Variants in EPHA6 observed in about 807,000 individuals in gnomAD.
EPHA6 encodes EPH receptor A6.
EPHA6 carries 50 observed loss-of-function variants against 112.0 expected under a neutral mutation model. That is an observed-to-expected ratio of 0.45 (90% CI 0.36 to 0.56). EPHA6 has a LOEUF of 0.56. Ranked by LOEUF, EPHA6 falls within the 20% of genes least tolerant of loss-of-function variation. The probability of loss-of-function intolerance (pLI) is 0.00; values close to 1 mark genes in which losing one functional copy is unlikely to be tolerated. For missense variants in EPHA6, 1,280 were observed against 1,417.4 expected, an observed-to-expected ratio of 0.90 and a Z score of 1.56; for synonymous variants, 529 against 490.7, an observed-to-expected ratio of 1.08 and a Z score of -1.03.
In EPHA6 at chr3:96,864,895, G is replaced by A. The variant is rs542363313; in HGVS notation, c.386-1930G>A. 8.3e-4 allele frequency among the ~76,000 whole-genome samples: 127 copies of A among 152,158 alleles called. 1 individual carries two copies. The highest frequency in any genetic ancestry group is 2.9e-3 in the African/African-American group (121 of 41,554). ...TTTTATATTAATGAATTAAGATATTGTAAGTATATTAAAAGAGTATTTTGG... is the reference window on the plus strand; with the variant it reads ...TTTTATATTAATGAATTAAGATATTATAAGTATATTAAAAGAGTATTTTGG... On this transcript the variant is annotated intron_variant, in intron 1 of 17. Transcript: ENST00000389672.
intron 5 of EPHA6, among the ~76,000 whole-genome samples, chr3:97,398,234 G>T (rs2086798415): frequency 6.6e-6 from 1 of 151,310 alleles, no homozygotes; most frequent in East Asian, 1.9e-4. Flanking sequence ...TTTAGACATT[G>T]TACATTAAAC....
At chr3:97,205,010 G>C (rs1005215242) in intron 3 of EPHA6, among the ~76,000 whole-genome samples, 1 of 152,056 alleles carries the variant, frequency 6.6e-6, no homozygotes, top group East Asian at 1.9e-4. Flanking sequence ...TTATAGGTTT[G>C]TAACTCTTGC....
At chr3:97,358,555 TA>T (rs1220676053) in intron 5 of EPHA6, among the ~76,000 whole-genome samples, 1 of 152,178 alleles carries the variant, frequency 6.6e-6, no homozygotes, top group Non-Finnish European at 1.5e-5. Context: ...TATTAGTACT[TA>T]AATCAAGTAG....
At chr3:97,323,338 G>T (rs1054567969) in intron 5 of EPHA6, among the ~76,000 whole-genome samples, 2 of 151,728 alleles carry the variant, frequency 1.3e-5, no homozygotes, top group African/African-American at 4.8e-5. Context: ...AAAGGTATAT[G>T]CATATAAGAG....
chr3:97,493,743 T>G (rs1015899357), intron 10 of EPHA6, among the ~76,000 whole-genome samples: 27 of 152,148 alleles, frequency 1.8e-4, no homozygotes, highest in African/African-American at 6.5e-4. Flanking sequence ...ATAAAAATTG[T>G]AAATTCATAA....
chr3:96,838,276 C>A (rs529868594), intron 1 of EPHA6, among the ~76,000 whole-genome samples: 18 of 152,266 alleles, frequency 1.2e-4, no homozygotes, highest in African/African-American at 4.3e-4. Flanking sequence ...ATATGTGCAA[C>A]ATTTTCTTTA....
At chr3:96,901,430 T>G (rs2038605486) in intron 2 of EPHA6, among the ~76,000 whole-genome samples, 1 of 152,124 alleles carries the variant, frequency 6.6e-6, no homozygotes, top group Non-Finnish European at 1.5e-5. Context: ...TGTGACTTAT[T>G]GGATTCAGGA....
chr3:96,925,529 A>T (rs1270114996), intron 2 of EPHA6, among the ~76,000 whole-genome samples: 1 of 149,922 alleles, frequency 6.7e-6, no homozygotes. Flanking sequence ...TCTTCTCTTT[A>T]GTCTTCTTTA....
At chr3:96,945,397 C>G (rs1387725150) in intron 2 of EPHA6, among the ~76,000 whole-genome samples, 2 of 152,150 alleles carry the variant, frequency 1.3e-5, no homozygotes, top group African/African-American at 4.8e-5. Flanking sequence ...AGGCAAATTC[C>G]ATTATCAGCT....
chr3:96,913,203 CA>C (rs1559825489), intron 2 of EPHA6, among the ~76,000 whole-genome samples: 5 of 120,524 alleles, frequency 4.1e-5, no homozygotes, highest in South Asian at 3.0e-4. Context: ...CACACACACA[CA>C]CACACACACC....
At chr3:97,462,843 G>C (rs557929340) in intron 7 of EPHA6, among the ~76,000 whole-genome samples, 1 of 152,238 alleles carries the variant, frequency 6.6e-6, no homozygotes, top group South Asian at 2.1e-4. Flanking sequence ...CAGACAAACA[G>C]AGCACCAAGT....
intron 10 of EPHA6, among the ~76,000 whole-genome samples, chr3:97,494,273 A>G (rs2091922682): frequency 6.6e-6 from 1 of 152,166 alleles, no homozygotes; most frequent in African/African-American, 2.4e-5. Context: ...CTTCCCCAAA[A>G]GTTATTTCCG....
chr3:97,736,042 A>G lies in EPHA6; in HGVS notation c.3052A>G (p.Thr1018Ala), dbSNP rs759631515. ...GGAGAGAAATCACAGACCAAAATTT[A>G]CTGACATTGTCAGCTTCCTTGACAA... ...QKERNHRPKF[T>A]DIVSFLDKLI... The change falls in exon 16 of 18, where the codon ACT becomes GCT. Residue 1018 changes from threonine to alanine, a missense_variant. Around this residue, in one of 4 missense-constraint regions of EPHA6, gnomAD observed 145 missense variants for 153.3 expected, o/e 0.95. Coordinates refer to ENST00000389672, the MANE Select transcript of EPHA6 (RefSeq NM_001080448.3). The G allele has an allele frequency of 1.2e-6, 2 of 1,612,728 alleles. No homozygotes were observed. Among genetic ancestry groups the G allele is most frequent in the Admixed American group, 1.7e-5 (1 of 59,844 alleles).
chr3:97,312,567 C>T (rs2081611624), intron 5 of EPHA6, among the ~76,000 whole-genome samples: 1 of 151,440 alleles, frequency 6.6e-6, no homozygotes, highest in Non-Finnish European at 1.5e-5. Context: ...AGTCTGAAAT[C>T]CAAAACACTT....
chr3:97,428,608 C>T (rs776667950), intron 6 of EPHA6, among the ~76,000 whole-genome samples: 2 of 152,112 alleles, frequency 1.3e-5, no homozygotes, highest in Non-Finnish European at 2.9e-5. Flanking sequence ...AACTAAGCAA[C>T]CTACATATTT....
At chr3:97,100,143 T>A (rs766213438) in intron 3 of EPHA6, among the ~76,000 whole-genome samples, 1 of 151,722 alleles carries the variant, frequency 6.6e-6, no homozygotes, top group Non-Finnish European at 1.5e-5. Flanking sequence ...AAAGAGAAGC[T>A]GTTCTTCACT....
intron 2 of EPHA6, among the ~76,000 whole-genome samples, chr3:96,924,918 T>C (rs1406260485): frequency 6.6e-6 from 1 of 152,186 alleles, no homozygotes; most frequent in Non-Finnish European, 1.5e-5. Context: ...TAGTTATGTT[T>C]ATGTAACTAT....
intron 3 of EPHA6, among the ~76,000 whole-genome samples, chr3:97,175,270 G>A (rs1199019826): frequency 6.6e-6 from 1 of 151,748 alleles, no homozygotes; most frequent in Admixed American, 6.6e-5. Flanking sequence ...CCATTTTCAT[G>A]CCAGTACCAT....
At chr3:97,153,423 G>A (rs961305031) in intron 3 of EPHA6, among the ~76,000 whole-genome samples, 3 of 151,896 alleles carry the variant, frequency 2.0e-5, no homozygotes, top group East Asian at 1.9e-4. Flanking sequence ...TTTTCAAAAC[G>A]GTTATTAATA....
Sources: allele counts gnomAD v4.1 joint callset (sites outside exome capture counted in the v4.1 genomes callset), GRCh38; gene constraint gnomAD v4.1.1; regional missense constraint gnomAD v4.1.1; transcripts MANE v1.5; gene names NCBI Gene and HGNC (gene_info 2026-07-23, HGNC 2026-07-21).